The following SPIDR variants were observed in gnomAD, a reference collection of about 807,000 sequenced individuals.
The protein encoded by SPIDR is scaffold protein involved in DNA repair, also known as DNA repair-scaffolding protein.
A neutral mutation model predicts 104.6 loss-of-function variants in SPIDR; 93 were observed. The ratio of observed to expected loss-of-function variants is 0.89; its 90% confidence interval spans 0.75 to 1.06. The LOEUF is 1.06. Ranked by LOEUF, SPIDR falls within the 50% of genes least tolerant of loss-of-function variation. The pLI, the probability that SPIDR is intolerant of heterozygous loss-of-function variation, is 0.00. For missense variants in SPIDR, 1,154 were observed against 1,111.2 expected (o/e 1.04, Z -0.55); for synonymous variants, 431 against 416.9 (o/e 1.03, Z -0.41).
chr8:47,731,179 T>TG (rs923659288), intron 19 of SPIDR, among the ~76,000 whole-genome samples: 7 of 149,992 alleles, frequency 4.7e-5, no homozygotes, highest in African/African-American at 1.7e-4. Flanking sequence ...TCACTGGAAC[T>TG]GGGGAGGTAG....
At chr8:47,717,088 G>C (rs898983904) in intron 16 of SPIDR, among the ~76,000 whole-genome samples, 13 of 152,288 alleles carry the variant, frequency 8.5e-5, no homozygotes, top group African/African-American at 3.1e-4. Flanking sequence ...TCCCTGAGCA[G>C]ACCGGCTACA....
intron 1 of SPIDR, among the ~76,000 whole-genome samples, chr8:47,267,299 C>T (rs1266263442): frequency 2.6e-5 from 4 of 152,178 alleles, no homozygotes; most frequent in Non-Finnish European, 5.9e-5. Flanking sequence ...GTTGGGATTA[C>T]ATCCGTGAGC....
intron 8 of SPIDR, among the ~76,000 whole-genome samples, chr8:47,591,426 CTATT>C (rs151285704): frequency 0.033 from 4,997 of 149,586 alleles, 236 homozygotes; most frequent in African/African-American, 0.1. Flanking sequence ...CTTTCCCTCC[CTATT>C]TATTTATTTA....
intron 7 of SPIDR, among the ~76,000 whole-genome samples, chr8:47,409,563 C>T (rs1399426116): frequency 1.3e-5 from 2 of 152,090 alleles, no homozygotes; most frequent in Non-Finnish European, 2.9e-5. Context: ...AATAGGTTCC[C>T]AGGTGGTTTC....
intron 1 of SPIDR, among the ~76,000 whole-genome samples, chr8:47,266,245 G>A (rs1427189890): frequency 2.7e-5 from 4 of 150,506 alleles, no homozygotes; most frequent in East Asian, 3.9e-4. Flanking sequence ...ATTCTCCTGC[G>A]TCAGCCTCCC....
chr8:47,487,733 C>G (rs967167019), intron 8 of SPIDR, among the ~76,000 whole-genome samples: 3 of 152,120 alleles, frequency 2.0e-5, no homozygotes, highest in African/African-American at 7.2e-5. Context: ...ATGGAAACTG[C>G]ACAACGTGCT....
chr8:47,271,958 G>A (rs2035418461), intron 1 of SPIDR, among the ~76,000 whole-genome samples: 1 of 151,480 alleles, frequency 6.6e-6, no homozygotes, highest in Non-Finnish European at 1.5e-5. Flanking sequence ...GCACCACCAC[G>A]CTGGGCTAAT....
chr8:47,335,631 A>G (rs1273197216), intron 5 of SPIDR, among the ~76,000 whole-genome samples: 9 of 152,138 alleles, frequency 5.9e-5, no homozygotes, highest in African/African-American at 2.2e-4. Flanking sequence ...TTATATTTTT[A>G]GTAAAGACGG....
At chr8:47,651,934 T>C (rs1416715517) in intron 10 of SPIDR, among the ~76,000 whole-genome samples, 3 of 152,072 alleles carry the variant, frequency 2.0e-5, no homozygotes, top group African/African-American at 7.2e-5. Context: ...AGTGATATAA[T>C]GCACTACAGA....
chr8:47,671,156 C>T (rs1171111847), intron 10 of SPIDR, among the ~76,000 whole-genome samples: 2 of 152,138 alleles, frequency 1.3e-5, no homozygotes, highest in African/African-American at 4.8e-5. Context: ...GTGATCCTCT[C>T]GCCTCAGCCT....
chr8:47,733,536 T>C (rs544675680), intron 19 of SPIDR, among the ~76,000 whole-genome samples: 1 of 151,160 alleles, frequency 6.6e-6, no homozygotes, highest in East Asian at 1.9e-4. Flanking sequence ...TGTTTCACAC[T>C]TGCACAAACA....
At chr8:47,482,867 G>A (rs1234948018) in intron 8 of SPIDR, among the ~76,000 whole-genome samples, 5 of 151,816 alleles carry the variant, frequency 3.3e-5, no homozygotes, top group South Asian at 2.1e-4. Flanking sequence ...ACAGAGTCTC[G>A]CACTGTCGCC....
intron 7 of SPIDR, among the ~76,000 whole-genome samples, chr8:47,421,781 G>A (rs1478449957): frequency 6.6e-6 from 1 of 152,170 alleles, no homozygotes; most frequent in African/African-American, 2.4e-5. Flanking sequence ...CGTACAGATG[G>A]GGTTTTGGTG....
intron 6 of SPIDR, among the ~76,000 whole-genome samples, chr8:47,406,619 C>T (rs1487043399): frequency 1.3e-5 from 2 of 152,210 alleles, no homozygotes; most frequent in South Asian, 2.1e-4. Context: ...GGTATTAATA[C>T]TAGCAATATT....
At chr8:47,461,102 G>A (rs1427356262) in intron 8 of SPIDR, among the ~76,000 whole-genome samples, 4 of 152,110 alleles carry the variant, frequency 2.6e-5, no homozygotes, top group African/African-American at 9.7e-5. Context: ...TCTTCATTTT[G>A]ACTTAGATAA....
At chr8:47,450,509 T>A (rs1585908606) in intron 8 of SPIDR, among the ~76,000 whole-genome samples, 2 of 152,170 alleles carry the variant, frequency 1.3e-5, no homozygotes. Flanking sequence ...CATAGAAATA[T>A]GATTAAAGTG....
At chr8:47,471,171 G>C (rs146081469) in intron 8 of SPIDR, among the ~76,000 whole-genome samples, 1 of 152,126 alleles carries the variant, frequency 6.6e-6, no homozygotes, top group Non-Finnish European at 1.5e-5. Context: ...AAATAGTTAA[G>C]TTGAACTCTA....
At chr8:47,450,588 CAG>C (rs2071533575) in intron 8 of SPIDR, among the ~76,000 whole-genome samples, 1 of 152,190 alleles carries the variant, frequency 6.6e-6, no homozygotes, top group South Asian at 2.1e-4. Flanking sequence ...TAGGACTGCT[CAG>C]AGTCTCTCAT....
chr8:47,473,615 G>A (rs1392371953), intron 8 of SPIDR, among the ~76,000 whole-genome samples: 3 of 152,244 alleles, frequency 2.0e-5, no homozygotes, highest in South Asian at 2.1e-4. Flanking sequence ...CCTTCCACAC[G>A]CGTCTATTTT....
Sources: allele counts gnomAD v4.1 joint callset (sites outside exome capture counted in the v4.1 genomes callset), GRCh38; gene constraint gnomAD v4.1.1; transcripts MANE v1.5; gene names NCBI Gene and HGNC (gene_info 2026-07-23, HGNC 2026-07-21).